Variants in LONP2 observed in about 807,000 individuals in gnomAD.
LONP2 encodes lon protease homolog 2, peroxisomal.
In LONP2, 60 loss-of-function variants were observed where a neutral mutation model predicts 85.6. The observed-to-expected ratio is 0.70, with a 90% confidence interval of 0.57 to 0.87. The LOEUF (loss-of-function observed/expected upper bound fraction) is 0.87. Ranked by LOEUF, LONP2 falls within the 40% of genes least tolerant of loss-of-function variation. The pLI, the probability that LONP2 is intolerant of heterozygous loss-of-function variation, is 0.00. For synonymous variants in LONP2, 395 were observed against 389.7 expected (o/e 1.01, Z -0.16); for missense variants, 860 against 1,063.5 (o/e 0.81, Z 2.66).
intron 11 of LONP2, among the ~76,000 whole-genome samples, chr16:48,314,278 C>G (rs961494320): frequency 6.6e-6 from 1 of 151,778 alleles, no homozygotes; most frequent in Non-Finnish European, 1.5e-5. Context: ...ATGATACTTT[C>G]TTTTGCTGTG....
chr16:48,262,636 T>C, intron 5 of LONP2, 142 bp from the exon 6 acceptor site: 1 of 549,384 alleles, frequency 1.8e-6, no homozygotes, highest in Non-Finnish European at 3.3e-6. Context: ...AACGTTTTAT[T>C]ATCTGGATAC....
chr16:48,259,702 GGA>G (rs1217812011), intron 4 of LONP2, among the ~76,000 whole-genome samples: 1 of 152,218 alleles, frequency 6.6e-6, no homozygotes, highest in African/African-American at 2.4e-5. Flanking sequence ...AGTAGGCTGA[GGA>G]GAGAGATAGG....
intron 11 of LONP2, among the ~76,000 whole-genome samples, chr16:48,307,340 T>A (rs2151004653): frequency 6.6e-6 from 1 of 152,378 alleles, no homozygotes; most frequent in South Asian, 2.1e-4. Flanking sequence ...TTAGTTGGAT[T>A]ACATGACTAC....
At chr16:48,334,462 G>A (rs910712211) in intron 12 of LONP2, 104 bp downstream of exon 12, 2 of 1,382,560 alleles carry the variant, frequency 1.4e-6, no homozygotes, top group Non-Finnish European at 2.0e-6. Flanking sequence ...CTTTGGGGAA[G>A]GAATAGCCTT....
chr16:48,252,532 A>G (rs1433743722), intron 2 of LONP2, among the ~76,000 whole-genome samples, 167 bp downstream of exon 2: 1 of 152,180 alleles, frequency 6.6e-6, no homozygotes, highest in African/African-American at 2.4e-5. Flanking sequence ...GTTGTACCTA[A>G]ATCATTCCAG....
intron 12 of LONP2, chr16:48,336,263 C>G: frequency 2.3e-6 from 1 of 426,068 alleles, no homozygotes; most frequent in East Asian, 7.1e-5. Flanking sequence ...TTTATAAACA[C>G]TGCTTACCAG....
intron 1 of LONP2, among the ~76,000 whole-genome samples, chr16:48,245,281 C>G (rs976200508): frequency 7.9e-5 from 12 of 152,182 alleles, no homozygotes; most frequent in African/African-American, 1.7e-4. Flanking sequence ...TGCTCCTTCA[C>G]TCATAACATT....
chr16:48,294,550 G>C (rs2150994748), intron 8 of LONP2, among the ~76,000 whole-genome samples: 1 of 152,278 alleles, frequency 6.6e-6, no homozygotes, highest in East Asian at 1.9e-4. Context: ...TGGATTGCTT[G>C]AGGCCAGGAG....
intron 8 of LONP2, among the ~76,000 whole-genome samples, chr16:48,286,940 C>A (rs1364641697): frequency 6.6e-6 from 1 of 151,728 alleles, no homozygotes; most frequent in East Asian, 1.9e-4. Flanking sequence ...AATAATATAA[C>A]CTTAAGGGTT....
chr16:48,267,365 T>G (rs1174615765), intron 6 of LONP2, among the ~76,000 whole-genome samples: 1 of 152,148 alleles, frequency 6.6e-6, no homozygotes, highest in Non-Finnish European at 1.5e-5. Flanking sequence ...AGTGGTGTGA[T>G]CTTGACTCAC....
rs1273040826 is a variant in LONP2 at position 48,356,277 on chromosome 16, T to C, written c.*4475T>C. 1.3e-5 allele frequency: 2 copies of C among 153,002 alleles called. No individual in the cohort carries two copies. Among genetic ancestry groups the C allele is most frequent in the Non-Finnish European group, 2.9e-5 (2 of 68,594 alleles). 9.5% of individuals were successfully genotyped at this position (153,002 alleles called of 1,614,324 possible). On this transcript the variant is annotated 3_prime_UTR_variant, in exon 15 of 15. Coordinates refer to ENST00000285737, the MANE Select transcript of LONP2 (RefSeq NM_031490.5). ...CCAGGTAATTCACTGCTGAGGGCTT[T>C]GGATTTTCCTTTATGAACTACTGAA...
intron 7 of LONP2, among the ~76,000 whole-genome samples, chr16:48,273,065 G>A (rs778231773): frequency 1.8e-4 from 28 of 152,106 alleles, no homozygotes; most frequent in African/African-American, 4.1e-4. Flanking sequence ...TTTGAGTACC[G>A]GTCACATGCT....
chr16:48,318,727 G>A (rs1339917819), intron 11 of LONP2, among the ~76,000 whole-genome samples: 1 of 152,162 alleles, frequency 6.6e-6, no homozygotes, highest in East Asian at 1.9e-4. Flanking sequence ...GCCACATGCT[G>A]ATGGGCTTGT....
In LONP2 at chr16:48,348,113, T is replaced by G; in HGVS notation, c.2160T>G (p.Phe720Leu). The G allele has an allele frequency of 1.2e-6, 2 of 1,600,836 alleles. No individual in the cohort carries two copies. The highest frequency in any genetic ancestry group is 4.5e-5 in the East Asian group (2 of 44,800). Residue 720 changes from phenylalanine (F) to leucine (L), a missense_variant, in exon 14 of 15, where the codon TTT (phenylalanine) becomes TTG (leucine). Phe to Leu is a conservative substitution (Grantham distance 22). Coordinates refer to ENST00000285737, the MANE Select transcript of LONP2 (RefSeq NM_031490.5). ...TCCTTTTTAAAGCTTTTGGAAGTTT[T>G]GATCTTCTTGACAACACAGACATCC... ...KYQLTNAFGS[F>L]DLLDNTDIHL... is the part of the protein sequence containing the mutation.
chr16:48,259,648 A>G (rs2150968206), intron 4 of LONP2, among the ~76,000 whole-genome samples: 1 of 152,338 alleles, frequency 6.6e-6, no homozygotes, highest in African/African-American at 2.4e-5. Flanking sequence ...AGCGGAGCAG[A>G]AGGGAAGAAC....
chr16:48,347,790 G>A (rs988151686), intron 13 of LONP2, 76 bp downstream of exon 13: 8 of 1,350,720 alleles, frequency 5.9e-6, no homozygotes, highest in East Asian at 2.5e-5. Context: ...GCATGAGCTC[G>A]AGACTGCCAG....
chr16:48,301,304 A>G (rs918226856), intron 10 of LONP2, among the ~76,000 whole-genome samples: 1 of 152,112 alleles, frequency 6.6e-6, no homozygotes, highest in Non-Finnish European at 1.5e-5. Flanking sequence ...CTACCTTTTC[A>G]TGGGTAATTC....
chr16:48,355,128 G>T lies in LONP2; in HGVS notation c.*3326G>T, dbSNP rs759677610. ...CATGGGTGTACACATCTCTCTTGAA[G>T]TCCCTTCTTAGGTCCTTTAGGGATA... On this transcript the variant is annotated 3_prime_UTR_variant, in exon 15 of 15. Coordinates refer to ENST00000285737, the MANE Select transcript of LONP2 (RefSeq NM_031490.5). 2.0e-5 allele frequency: 3 copies of T among 152,012 alleles called. No homozygotes were observed. The highest frequency in any genetic ancestry group is 4.4e-5 in the Non-Finnish European group (3 of 68,024). The allele number at this position is 152,012 out of a possible 1,614,324, so 9.4% of individuals were successfully genotyped here.
chr16:48,328,370 C>G (rs1959318685), intron 11 of LONP2, among the ~76,000 whole-genome samples: 1 of 151,546 alleles, frequency 6.6e-6, no homozygotes, highest in Non-Finnish European at 1.5e-5. Context: ...ATGGTGAAAC[C>G]CCGTCTCTAC....
Sources: allele counts gnomAD v4.1 joint callset (sites outside exome capture counted in the v4.1 genomes callset), GRCh38; gene constraint gnomAD v4.1.1; transcripts MANE v1.5; gene names NCBI Gene and HGNC (gene_info 2026-07-23, HGNC 2026-07-21).